The following NR2F1-AS1 variants were observed in gnomAD, a reference collection of about 807,000 sequenced individuals.
NR2F1-AS1 encodes NR2F1 antisense RNA 1.
At chr5:93,578,335 G>A (rs1437244720) in intron 1 of NR2F1-AS1, among the ~76,000 whole-genome samples, 1 of 152,170 alleles carries the variant, frequency 6.6e-6, no homozygotes, top group Admixed American at 6.5e-5. Context: ...CAGCCCGCAA[G>A]GGGTACTATA....
intron 4 of NR2F1-AS1, among the ~76,000 whole-genome samples, chr5:93,414,684 A>G (rs140807621): frequency 2.6e-3 from 388 of 152,122 alleles, no homozygotes; most frequent in African/African-American, 8.9e-3. Context: ...TTTCCTTTCT[A>G]CCTGGTGTTC....
intron 4 of NR2F1-AS1, among the ~76,000 whole-genome samples, chr5:93,474,941 C>T (rs1028961828): frequency 4.6e-5 from 7 of 151,952 alleles, no homozygotes; most frequent in African/African-American, 1.2e-4. Context: ...CTGGCTAACA[C>T]GGTGAAACCC....
At chr5:93,513,032 A>T (rs547580731) in intron 4 of NR2F1-AS1, among the ~76,000 whole-genome samples, 90 of 152,258 alleles carry the variant, frequency 5.9e-4, no homozygotes, top group Admixed American at 1.2e-3. Context: ...TTTCCTGTAG[A>T]CATACAAGCA....
At chr5:93,568,327 C>T (rs914261377) in intron 1 of NR2F1-AS1, among the ~76,000 whole-genome samples, 1 of 152,104 alleles carries the variant, frequency 6.6e-6, no homozygotes, top group Non-Finnish European at 1.5e-5. Context: ...TTTATTTATA[C>T]TTTTACAAAA....
chr5:93,446,562 C>A (rs1005154678), intron 4 of NR2F1-AS1, among the ~76,000 whole-genome samples: 1 of 152,108 alleles, frequency 6.6e-6, no homozygotes, highest in Non-Finnish European at 1.5e-5. Flanking sequence ...AGGACACAAA[C>A]AAATGGAAGA....
At chr5:93,481,039 T>C (rs577761308) in intron 4 of NR2F1-AS1, among the ~76,000 whole-genome samples, 8 of 152,132 alleles carry the variant, frequency 5.3e-5, no homozygotes, top group Middle Eastern at 3.4e-3. Context: ...ACTATAAGCG[T>C]AAATGAATTA....
intron 4 of NR2F1-AS1, among the ~76,000 whole-genome samples, chr5:93,447,529 G>A (rs1251750417): frequency 1.3e-5 from 2 of 152,164 alleles, no homozygotes; most frequent in Non-Finnish European, 2.9e-5. Context: ...CAGTTAGAAT[G>A]GCAATCATTA....
At chr5:93,578,214 G>A (rs908547744) in intron 1 of NR2F1-AS1, among the ~76,000 whole-genome samples, 2 of 152,180 alleles carry the variant, frequency 1.3e-5, no homozygotes, top group African/African-American at 2.4e-5. Context: ...ACCGATCTGT[G>A]CTTCTCTTCC....
chr5:93,553,489 G>A (rs1008534141), intron 4 of NR2F1-AS1, among the ~76,000 whole-genome samples: 1 of 152,110 alleles, frequency 6.6e-6, no homozygotes, highest in South Asian at 2.1e-4. Context: ...AAGTTAGCTG[G>A]CATGTGTTAT....
chr5:93,581,961 G>GTC (rs1244167231), upstream of NR2F1-AS1, among the ~76,000 whole-genome samples: 4 of 60,074 alleles, frequency 6.7e-5, no homozygotes, highest in African/African-American at 6.9e-5. Flanking sequence ...CTCTCTCTGG[G>GTC]TCTCTCTCTC....
chr5:93,543,417 G>C (rs1294743631), intron 4 of NR2F1-AS1: 1 of 152,058 alleles, frequency 6.6e-6, no homozygotes, highest in Non-Finnish European at 1.5e-5. Context: ...AGTAATTTGA[G>C]AAAGAGTCAA....
At chr5:93,461,790 C>T (rs1465976257) in intron 4 of NR2F1-AS1, among the ~76,000 whole-genome samples, 2 of 152,100 alleles carry the variant, frequency 1.3e-5, no homozygotes, top group Non-Finnish European at 2.9e-5. Context: ...TACTACTTAA[C>T]GGACTATAGA....
chr5:93,527,982 C>A (rs1463929911), intron 4 of NR2F1-AS1, among the ~76,000 whole-genome samples: 2 of 152,058 alleles, frequency 1.3e-5, no homozygotes, highest in African/African-American at 4.8e-5. Flanking sequence ...GCAACAAAAG[C>A]CAAACTAACA....
At chr5:93,545,308 A>T (rs1448588857) in intron 4 of NR2F1-AS1, among the ~76,000 whole-genome samples, 1 of 152,226 alleles carries the variant, frequency 6.6e-6, no homozygotes, top group African/African-American at 2.4e-5. Flanking sequence ...AGGTTCTGCT[A>T]TTTTGTGGAT....
chr5:93,521,881 C>T (rs1324383954), intron 4 of NR2F1-AS1, among the ~76,000 whole-genome samples: 1 of 152,196 alleles, frequency 6.6e-6, no homozygotes, highest in Non-Finnish European at 1.5e-5. Context: ...GAATATAAAG[C>T]ATTCTACCAT....
intron 4 of NR2F1-AS1, among the ~76,000 whole-genome samples, chr5:93,452,967 A>G (rs1440359973): frequency 6.6e-6 from 1 of 152,212 alleles, no homozygotes; most frequent in Non-Finnish European, 1.5e-5. Context: ...AATATTACCC[A>G]TAATCCAAAG....
At chr5:93,529,576 T>C (rs1271811791) in intron 4 of NR2F1-AS1, among the ~76,000 whole-genome samples, 2 of 152,144 alleles carry the variant, frequency 1.3e-5, no homozygotes, top group African/African-American at 2.4e-5. Context: ...CATAGGTAAA[T>C]TATTTAATCA....
chr5:93,413,531 T>C (rs1243115405), intron 4 of NR2F1-AS1, among the ~76,000 whole-genome samples: 4 of 152,302 alleles, frequency 2.6e-5, no homozygotes, highest in African/African-American at 9.6e-5. Context: ...AAAACTGGAC[T>C]GAAACTTCTC....
intron 2 of NR2F1-AS1, among the ~76,000 whole-genome samples, chr5:93,561,072 G>A (rs960037912): frequency 5.9e-5 from 9 of 151,936 alleles, no homozygotes; most frequent in East Asian, 3.9e-4. Context: ...TCGGGAGTTC[G>A]AGACCAGCCT....
Sources: gnomAD v4.1 joint callset for allele counts (sites outside exome capture counted in the v4.1 genomes callset) on GRCh38, gnomAD v4.1.1 for gene constraint, MANE v1.5 for transcripts, NCBI Gene and HGNC (gene_info 2026-07-23, HGNC 2026-07-21) for gene names.